ITPR2: variants seen among roughly 807,000 people sequenced by gnomAD.
ITPR2 encodes inositol 1,4,5-trisphosphate receptor type 2.
A neutral mutation model predicts 317.1 loss-of-function variants in ITPR2; 207 were observed. That is an observed-to-expected ratio of 0.65 (90% confidence interval 0.58 to 0.73). ITPR2 has a LOEUF of 0.73. ITPR2 is among the 30% of genes least tolerant of loss of function. ITPR2 has a pLI of 0.00. For missense variants in ITPR2, 2,613 were observed against 3,284.0 expected, an observed-to-expected ratio of 0.80 and a Z score of 4.99; for synonymous variants, 1,156 against 1,149.1, an observed-to-expected ratio of 1.01 and a Z score of -0.12.
intron 2 of ITPR2, among the ~76,000 whole-genome samples, chr12:26,788,595 GA>G (rs1950296029): frequency 6.6e-6 from 1 of 152,174 alleles, no homozygotes; most frequent in African/African-American, 2.4e-5. Flanking sequence ...ACCTGGGGAA[GA>G]GTGTTTTTCC....
chr12:26,657,963 C>A (rs777180856), intron 17 of ITPR2, 48 bp downstream of exon 17: 1 of 1,602,022 alleles, frequency 6.2e-7, no homozygotes, highest in Middle Eastern at 1.7e-4. Context: ...AATTACAGTG[C>A]TTACAAATAA....
intron 23 of ITPR2, among the ~76,000 whole-genome samples, chr12:26,627,031 CTG>C (rs1946636647): frequency 1.3e-5 from 2 of 152,170 alleles, no homozygotes; most frequent in Non-Finnish European, 2.9e-5. Context: ...ACAATCATAA[CTG>C]TGCTCTTTTG....
intron 48 of ITPR2, among the ~76,000 whole-genome samples, chr12:26,431,124 C>T (rs1592017313): frequency 3.3e-5 from 5 of 152,124 alleles, no homozygotes; most frequent in Middle Eastern, 6.8e-3. Flanking sequence ...TAGCACATAG[C>T]GGCGCTCCAC....
At chr12:26,669,714 C>T (rs184612443) in intron 13 of ITPR2, among the ~76,000 whole-genome samples, 156 of 150,442 alleles carry the variant, frequency 1.0e-3, no homozygotes, top group African/African-American at 3.5e-3. Flanking sequence ...GTGGGTGCAG[C>T]GCACCATGCG....
intron 2 of ITPR2, among the ~76,000 whole-genome samples, chr12:26,751,250 A>G (rs1475453669): frequency 1.3e-5 from 2 of 152,128 alleles, no homozygotes; most frequent in Non-Finnish European, 2.9e-5. Context: ...TTTTTTTCTG[A>G]TGGGACATAT....
rs2136944169 is a variant in ITPR2, at chr12:26,673,746, A to G, written c.1410-7695T>C. 1.3e-5 allele frequency among the ~76,000 whole-genome samples: 2 copies of G among 150,226 alleles called. 1 individual carries two copies. The highest frequency in any genetic ancestry group is 4.3e-4 in the South Asian group (2 of 4,612). On this transcript the variant is annotated intron_variant, in intron 13 of 56. Transcript: ENST00000381340. ...AGGGTATTCAATTAGGAAAAGAGGA[A>G]GTCAAATTGTCCCTGTTTGCAGATG... is the stretch of plus-strand genomic sequence containing the variant.
At chr12:26,625,270 A>G (rs1052905338) in intron 23 of ITPR2, among the ~76,000 whole-genome samples, 3 of 152,192 alleles carry the variant, frequency 2.0e-5, no homozygotes, top group Non-Finnish European at 4.4e-5. Context: ...AAGATCTAGT[A>G]TACAGAGTGA....
At chr12:26,464,475 G>C (rs1443273047) in intron 45 of ITPR2, among the ~76,000 whole-genome samples, 1 of 152,170 alleles carries the variant, frequency 6.6e-6, no homozygotes, top group Non-Finnish European at 1.5e-5. Context: ...GGTCATGCTT[G>C]CTTGCCTGCC....
At chr12:26,804,181 G>C (rs1319975987) in intron 1 of ITPR2, among the ~76,000 whole-genome samples, 1 of 152,038 alleles carries the variant, frequency 6.6e-6, no homozygotes, top group African/African-American at 2.4e-5. Context: ...CCTTCAGACA[G>C]AGCTTCCAAC....
At chr12:26,596,813 C>T in intron 31 of ITPR2, 70 bp downstream of exon 31, 1 of 1,320,220 alleles carries the variant, frequency 7.6e-7, no homozygotes, top group African/African-American at 1.5e-5. Flanking sequence ...TGGGGGACTT[C>T]TGGCACCTAG....
At chr12:26,381,938 C>G (rs377389538) in intron 55 of ITPR2, among the ~76,000 whole-genome samples, 14 of 152,292 alleles carry the variant, frequency 9.2e-5, no homozygotes, top group Admixed American at 2.6e-4. Context: ...CAAATGAACA[C>G]TGGTAATCTG....
chr12:26,566,665 T>A (rs971108961), intron 34 of ITPR2, among the ~76,000 whole-genome samples: 6 of 152,282 alleles, frequency 3.9e-5, no homozygotes, highest in Non-Finnish European at 8.8e-5. Context: ...CACTCTGAAG[T>A]TTTATAGAAA....
rs192445251 is a variant in ITPR2, at chr12:26,786,748, G to A, written c.163+3409C>T. Among the ~76,000 whole-genome samples, 8 of 152,234 alleles carry A rather than the reference G, an allele frequency of 5.3e-5. No individual in the cohort carries two copies. In the South Asian group the frequency reaches 6.2e-4, roughly 12 times the overall value. ...TAGATTTACTTTTAATTGCCTACCC[G>A]CTCTAAAATGTTATGATTCACTTGA... On this transcript the variant is annotated intron_variant, in intron 2 of 56. Transcript: ENST00000381340.
chr12:26,822,234 A>T (rs1292907641), intron 1 of ITPR2, among the ~76,000 whole-genome samples: 1 of 152,226 alleles, frequency 6.6e-6, no homozygotes, highest in Non-Finnish European at 1.5e-5. Context: ...ATATTTGTAC[A>T]GTGACTCAAA....
chr12:26,827,492 G>C (rs1485477661), intron 1 of ITPR2, among the ~76,000 whole-genome samples: 1 of 152,166 alleles, frequency 6.6e-6, no homozygotes, highest in Non-Finnish European at 1.5e-5. Context: ...CACATCTCCA[G>C]TCAGAGGGGC....
At chr12:26,495,839 A>C (rs1004880220) in intron 37 of ITPR2, among the ~76,000 whole-genome samples, 3 of 152,192 alleles carry the variant, frequency 2.0e-5, no homozygotes, top group Non-Finnish European at 4.4e-5. Context: ...CCAGAAAAAG[A>C]GTGGGGAACA....
At chr12:26,449,400 A>AT (rs769222326) in intron 45 of ITPR2, among the ~76,000 whole-genome samples, 5 of 152,068 alleles carry the variant, frequency 3.3e-5, no homozygotes, top group Non-Finnish European at 5.9e-5. Flanking sequence ...CAAAACATCT[A>AT]CTTTTTTCTC....
At chr12:26,609,101 G>A (rs1412980150) in intron 26 of ITPR2, among the ~76,000 whole-genome samples, 1 of 152,184 alleles carries the variant, frequency 6.6e-6, no homozygotes, top group Non-Finnish European at 1.5e-5. Context: ...GGGGGTGTAT[G>A]TATAAAATGT....
At chr12:26,512,943 T>TC (rs11369217) in intron 37 of ITPR2, among the ~76,000 whole-genome samples, 63,252 of 150,906 alleles carry the variant, frequency 0.42, 14,824 homozygotes, top group Non-Finnish European at 0.53. Context: ...TGCCTCAGCC[T>TC]CCCAAGTAGC....
Sources: allele counts gnomAD v4.1 joint callset (sites outside exome capture counted in the v4.1 genomes callset), GRCh38; gene constraint gnomAD v4.1.1; transcripts MANE v1.5; gene names NCBI Gene and HGNC (gene_info 2026-07-23, HGNC 2026-07-21).